Variants in MGAM observed in about 807,000 individuals in gnomAD.
MGAM encodes the protein alpha-1,4-glucosidase.
In MGAM, 253 loss-of-function variants were observed where a neutral mutation model predicts 358.8. The ratio of observed to expected loss-of-function variants is 0.71; its 90% CI spans 0.64 to 0.78. The LOEUF is 0.78. Among genes scored for constraint, MGAM ranks in the 30% least tolerant of loss-of-function variants. MGAM has a pLI of 0.00. For missense variants in MGAM, 3,080 were observed against 3,432.6 expected (o/e 0.90, Z 2.57); for synonymous variants, 1,105 against 1,227.1 (o/e 0.90, Z 2.08).
chr7:142,091,584 G>C (rs207468682), intron 57 of MGAM, among the ~76,000 whole-genome samples: 1 of 145,986 alleles, frequency 6.8e-6, no homozygotes, highest in South Asian at 2.2e-4. Context: ...TGTCTTTGAG[G>C]AGTGCATAGG....
intron 14 of MGAM, among the ~76,000 whole-genome samples, chr7:142,033,593 G>A (rs1192831712): frequency 6.6e-6 from 1 of 152,198 alleles, no homozygotes; most frequent in Non-Finnish European, 1.5e-5. Context: ...ATCAAATGCT[G>A]AGGGGCTTGG....
At position 142,050,864 on chromosome 7, in the gene MGAM, G is replaced by T; in HGVS notation, c.2805G>T (p.Lys935Asn). The change falls in exon 24 of 71, where the codon AAG becomes AAT. Residue 935 changes from lysine (K) to asparagine (N), a missense_variant and splice_region_variant. This residue lies in a region of MGAM where 1,816 missense variants were observed against 1,840.5 expected (regional missense o/e 0.99). Coordinates refer to ENST00000475668, the MANE Select transcript of MGAM (RefSeq NM_001365693.1). ...CAGTCACTTATGATTCTAACCTGAA[G>T]GTAAAAACCCATTTTGTTGAGATGG... ...SPTVTYDSNL[K>N]VAIITDIDLL... 1 of 1,613,512 alleles carries T rather than the reference G, an allele frequency of 6.2e-7. No individual in the cohort carries two copies. Among genetic ancestry groups the T allele is most frequent in the Non-Finnish European group, 8.5e-7 (1 of 1,179,582 alleles).
At chr7:141,999,280 G>A (rs1554449908) in intron 1 of MGAM, among the ~76,000 whole-genome samples, 1 of 152,102 alleles carries the variant, frequency 6.6e-6, no homozygotes, top group Non-Finnish European at 1.5e-5. Context: ...CTTCTTCTAG[G>A]TCTCCCAGAT....
At chr7:142,029,420 G>A (rs1807264426) in intron 10 of MGAM, among the ~76,000 whole-genome samples, 1 of 151,960 alleles carries the variant, frequency 6.6e-6, no homozygotes. Context: ...GAAAACTAGG[G>A]GAACTAGTTT....
Position 142,059,492 on chromosome 7 carries a change from C to G in MGAM, c.3840C>G (p.Ile1280Met), listed in dbSNP as rs774503213. The change falls in exon 32 of 71, where the codon ATC becomes ATG. Residue 1280 changes from isoleucine (I) to methionine (M), a missense_variant. Physicochemically the swap from Ile to Met is conservative, Grantham distance 10. Around this residue, in one of 5 missense-constraint regions of MGAM, gnomAD observed 1,816 missense variants for 1,840.5 expected, o/e 0.99. Transcript: ENST00000475668. ...CGCAGGATGTGCAGTACTCAGACAT[C>G]GACTACATGGAGCGGCAGCTGGACT... is the stretch of plus-strand genomic sequence containing the variant. Reference protein sequence around the residue: ...QIPYDVQYSDIDYMERQLDFT... With the variant: ...QIPYDVQYSDMDYMERQLDFT... 1 of 1,611,258 alleles carries G rather than the reference C, an allele frequency of 6.2e-7. No individual in the cohort carries two copies. The highest frequency in any genetic ancestry group is 8.5e-7 in the Non-Finnish European group (1 of 1,178,072).
intron 24 of MGAM, 29 bp from the exon 25 acceptor site, chr7:142,052,265 A>G (rs1811057498): frequency 6.4e-7 from 1 of 1,566,078 alleles, no homozygotes; most frequent in Admixed American, 1.9e-5. Context: ...CTAAAGATGA[A>G]TTTCCTTATG....
chr7:142,091,282 C>A (rs1815363328), intron 57 of MGAM, among the ~76,000 whole-genome samples: 1 of 143,328 alleles, frequency 7.0e-6, no homozygotes. Context: ...GTACCTTTAA[C>A]CCATCTTGCA....
rs779989261 is a variant in MGAM at position 142,065,748 on chromosome 7, G to A, written c.4687G>A (p.Ala1563Thr). 74 of 1,556,108 alleles carry A rather than the reference G, an allele frequency of 4.8e-5. 8 individuals are homozygous for A. The Middle Eastern group carries it at 1.4e-3, about 28-fold the overall frequency. Residue 1563 changes from alanine (A) to threonine (T), a missense_variant, in exon 40 of 71, where the codon GCT (alanine) becomes ACT (threonine). Coordinates refer to ENST00000475668, the MANE Select transcript of MGAM (RefSeq NM_001365693.1). ...AGATATCTGTGGGTTCTTTCAAGAC[G>A]CTGAGTACGAGATGTGTGTTCGCTG... is the stretch of plus-strand genomic sequence containing the variant. ...GADICGFFQD[A>T]EYEMCVRWMQ...
intron 21 of MGAM, among the ~76,000 whole-genome samples, chr7:142,046,118 A>G (rs1304183790): frequency 7.0e-6 from 1 of 143,600 alleles, no homozygotes; most frequent in Non-Finnish European, 1.5e-5. Flanking sequence ...TTATATTTAT[A>G]TATTTATTAT....
chr7:142,097,558 TG>T, intron 65 of MGAM, 34 bp from the exon 66 acceptor site: 1 of 1,590,770 alleles, frequency 6.3e-7, no homozygotes, highest in Non-Finnish European at 8.6e-7. Context: ...TGGAAAATGG[TG>T]CCACTGCCAC....
rs1448810657 is a variant in MGAM at position 142,106,076 on chromosome 7, A to G, written c.*185A>G. On this transcript the variant is annotated 3_prime_UTR_variant, in exon 71 of 71. Transcript: ENST00000475668. ...TAAACCTTAGCCCTGTGGGATAGGC[A>G]GTTAGGGAGGTGTGGAAAATCTATG... 4 of 517,244 alleles carry G rather than the reference A, an allele frequency of 7.7e-6. No homozygotes were observed. Among genetic ancestry groups the G allele is most frequent in the African/African-American group, 5.8e-5 (3 of 51,672 alleles). The allele number at this position is 517,244 out of a possible 1,614,324, so 32.0% of individuals were successfully genotyped here. A position where few individuals can be genotyped will look rare whatever the true frequency, so the allele number is the denominator to read the frequency against.
Position 142,005,659 on chromosome 7 carries a change from T to G in MGAM, c.127+2T>G. The G allele has an allele frequency of 6.2e-7, 1 of 1,601,012 alleles. No individual in the cohort carries two copies. The highest frequency in any genetic ancestry group is 8.5e-7 in the Non-Finnish European group (1 of 1,173,278). ...CCAAAGAGTCACTGAAATCAACAGG[T>G]AAGAAGTAACTCTGGGGCTCTCTCC... On this transcript the variant is annotated splice_donor_variant, in intron 2 of 70. Coordinates refer to ENST00000475668, the MANE Select transcript of MGAM (RefSeq NM_001365693.1). LOFTEE classifies it high-confidence loss of function.
chr7:142,098,573 A>G (rs1376287021), intron 66 of MGAM, among the ~76,000 whole-genome samples: 4 of 152,112 alleles, frequency 2.6e-5, no homozygotes. Flanking sequence ...TTCTCAGTCC[A>G]TTGGAGCCCA....
chr7:142,001,170 C>G (rs1563100100), intron 1 of MGAM, among the ~76,000 whole-genome samples: 1 of 152,162 alleles, frequency 6.6e-6, no homozygotes, highest in Admixed American at 6.5e-5. Flanking sequence ...ATAGTGGTGA[C>G]AGTCATGGTA....
chr7:142,032,977 ATCTG>A, intron 14 of MGAM, 68 bp downstream of exon 14: 1 of 1,036,586 alleles, frequency 9.6e-7, no homozygotes, highest in Non-Finnish European at 1.4e-6. Context: ...ATAAGGACAG[ATCTG>A]AAAAATCTGG....
chr7:142,052,474 A>T (rs1349544588), intron 25 of MGAM, 28 bp downstream of exon 25: 1 of 1,611,284 alleles, frequency 6.2e-7, no homozygotes, highest in Non-Finnish European at 8.5e-7. Context: ...GTTTGTGTGC[A>T]TGAGAATCTC....
At position 142,021,761 on chromosome 7, in the gene MGAM, G is replaced by A. The variant is rs782377300; in HGVS notation, c.710+24G>A. On this transcript the variant is annotated intron_variant, in intron 6 of 70. Coordinates refer to ENST00000475668, the MANE Select transcript of MGAM (RefSeq NM_001365693.1). ...TTGTAAGTTTTGGAAACCTATCTAA[G>A]GATCAGAGTAGGAAGGTTACAGGGA... The A allele has an allele frequency of 6.8e-6, 11 of 1,612,408 alleles. No individual in the cohort carries two copies. The South Asian group carries it at 8.8e-5, about 13-fold the overall frequency.
intron 1 of MGAM, among the ~76,000 whole-genome samples, chr7:142,000,514 C>T (rs1462309623): frequency 6.6e-6 from 1 of 152,148 alleles, no homozygotes; most frequent in African/African-American, 2.4e-5. Context: ...TCCAGCTCAT[C>T]CTCAGAGGGT....
At chr7:142,034,911 A>G (rs1807848590) in intron 16 of MGAM, 70 bp downstream of exon 16, 6 of 1,469,928 alleles carry the variant, frequency 4.1e-6, no homozygotes, top group Non-Finnish European at 5.6e-6. Flanking sequence ...AAGTTTTCAA[A>G]CCACAAAGCT....
Sources: allele counts gnomAD v4.1 joint callset (sites outside exome capture counted in the v4.1 genomes callset), GRCh38; gene constraint gnomAD v4.1.1; regional missense constraint gnomAD v4.1.1; transcripts MANE v1.5; gene names NCBI Gene and HGNC (gene_info 2026-07-23, HGNC 2026-07-21).